The following XIRP2 variants were observed in gnomAD, a reference collection of about 807,000 sequenced individuals.
XIRP2 encodes xin actin binding repeat containing 2, also known as xin actin-binding repeat-containing protein 2.
Under a neutral mutation model 277.0 loss-of-function variants are expected in XIRP2, and 236 were observed. The observed-to-expected ratio is 0.85, with a 90% CI of 0.77 to 0.95. The LOEUF (loss-of-function observed/expected upper bound fraction) is 0.95, where lower values mean the gene tolerates loss of function less well. Ranked by LOEUF, XIRP2 falls within the 40% of genes least tolerant of loss-of-function variation. XIRP2 has a pLI of 0.00. For missense variants in XIRP2, 4,640 were observed against 4,157.5 expected, an observed-to-expected ratio of 1.12 and a Z score of -3.19; for synonymous variants, 1,490 against 1,416.5, an observed-to-expected ratio of 1.05 and a Z score of -1.17.
intron 6 of XIRP2, 40 bp from the exon 7 acceptor site, chr2:167,240,624 T>C: frequency 1.9e-6 from 3 of 1,571,642 alleles, no homozygotes; most frequent in African/African-American, 2.7e-5. Context: ...ATAATTGACT[T>C]CTTAAAAACA....
Position 167,068,762 on chromosome 2 carries a change from C to T in XIRP2, c.409-67147C>T, listed in dbSNP as rs567521499. On this transcript the variant is annotated intron_variant, in intron 2 of 10. Coordinates refer to ENST00000409195, the MANE Select transcript of XIRP2 (RefSeq NM_152381.6). Reference sequence around the variant, plus strand: ...CTTGTCCAACCCATGGCCCAGGGGTCGCATGCAGCCCAGGACAGCTTTGAA... The same window carrying T: ...CTTGTCCAACCCATGGCCCAGGGGTTGCATGCAGCCCAGGACAGCTTTGAA... Among the ~76,000 whole-genome samples, 5 of 152,224 alleles carry T rather than the reference C, an allele frequency of 3.3e-5. No homozygotes were observed. The South Asian group carries it at 6.2e-4, about 19-fold the overall frequency.
At position 167,248,522 on chromosome 2, in the gene XIRP2, C is replaced by T. The variant is rs769857057; in HGVS notation, c.7130C>T (p.Ala2377Val). Reference protein sequence around the residue: ...PPPPTPSQKPAHLLSSSAPEK... With the variant: ...PPPPTPSQKPVHLLSSSAPEK... Reference sequence around the variant, plus strand: ...CCTCCAACTCCATCTCAAAAGCCAGCACATCTCCTTTCCTCCTCTGCTCCG... The same window carrying T: ...CCTCCAACTCCATCTCAAAAGCCAGTACATCTCCTTTCCTCCTCTGCTCCG... Residue 2377 changes from alanine (A) to valine (V), a missense_variant, in exon 9 of 11, where the codon GCA becomes GTA. Coordinates refer to ENST00000409195, the MANE Select transcript of XIRP2 (RefSeq NM_152381.6). 3 of 1,613,710 alleles carry T rather than the reference C, an allele frequency of 1.9e-6. No homozygotes were observed. The highest frequency in any genetic ancestry group is 2.5e-6 in the Non-Finnish European group (3 of 1,179,832).
At chr2:167,115,738 T>G (rs894431754) in intron 2 of XIRP2, among the ~76,000 whole-genome samples, 2 of 152,202 alleles carry the variant, frequency 1.3e-5, no homozygotes, top group African/African-American at 4.8e-5. Flanking sequence ...CCTTGCCAGG[T>G]TGGCCCTAAT....
chr2:167,201,194 GAAAGAA>G (rs1559018074), intron 3 of XIRP2, among the ~76,000 whole-genome samples: 310 of 15,596 alleles, frequency 0.02, 4 homozygotes, highest in East Asian at 0.034. Flanking sequence ...GAGAGAGAAA[GAAAGAA>G]AGAAAGAAAG....
At chr2:167,197,306 G>A (rs1430552462) in intron 3 of XIRP2, among the ~76,000 whole-genome samples, 2 of 152,152 alleles carry the variant, frequency 1.3e-5, no homozygotes, top group African/African-American at 2.4e-5. Flanking sequence ...AAAAAAAGTA[G>A]GAGAGAGAAA....
At chr2:166,952,222 C>T (rs1025377878) in intron 2 of XIRP2, among the ~76,000 whole-genome samples, 5 of 151,982 alleles carry the variant, frequency 3.3e-5, no homozygotes, top group African/African-American at 1.2e-4. Context: ...CAGGGTCACT[C>T]ACCCAGCTAC....
chr2:167,257,253 C>G (rs1304905831), intron 10 of XIRP2, among the ~76,000 whole-genome samples: 1 of 151,860 alleles, frequency 6.6e-6, no homozygotes, highest in Non-Finnish European at 1.5e-5. Context: ...AGGGGGCTAT[C>G]TTGTCACTTC....
chr2:166,949,808 T>A (rs1039247687), intron 2 of XIRP2, among the ~76,000 whole-genome samples: 7 of 152,102 alleles, frequency 4.6e-5, no homozygotes, highest in Non-Finnish European at 7.4e-5. Context: ...GAACTTAATA[T>A]AAAATGTGTC....
chr2:167,085,589 T>A (rs999083044), intron 2 of XIRP2, among the ~76,000 whole-genome samples: 9 of 152,272 alleles, frequency 5.9e-5, no homozygotes, highest in Non-Finnish European at 8.8e-5. Flanking sequence ...AGTCTCTTTG[T>A]AGGTCACTCA....
intron 2 of XIRP2, among the ~76,000 whole-genome samples, chr2:167,115,555 G>T (rs1447505743): frequency 6.6e-6 from 1 of 151,946 alleles, no homozygotes; most frequent in Non-Finnish European, 1.5e-5. Context: ...TGCTGTTGGG[G>T]GTTTGATTAC....
intron 3 of XIRP2, among the ~76,000 whole-genome samples, chr2:167,155,470 A>G (rs1171401299): frequency 6.6e-6 from 1 of 152,032 alleles, no homozygotes; most frequent in African/African-American, 2.4e-5. Context: ...GTAATCCAGC[A>G]TATAAACAGA....
intron 2 of XIRP2, among the ~76,000 whole-genome samples, chr2:167,030,166 G>T (rs1688301708): frequency 1.3e-5 from 2 of 151,880 alleles, no homozygotes; most frequent in Admixed American, 1.3e-4. Flanking sequence ...AAAACAAGCT[G>T]CTGGATTCAT....
chr2:167,132,067 T>A (rs1040954904), intron 2 of XIRP2, among the ~76,000 whole-genome samples: 18 of 152,114 alleles, frequency 1.2e-4, no homozygotes, highest in Non-Finnish European at 1.0e-4. Context: ...TGACCAAGCT[T>A]TGAAAGTTGT....
intron 3 of XIRP2, among the ~76,000 whole-genome samples, chr2:167,162,778 T>C (rs978089396): frequency 1.3e-5 from 2 of 152,232 alleles, no homozygotes; most frequent in Non-Finnish European, 2.9e-5. Context: ...CATCCAACCA[T>C]GTTCATCACC....
chr2:166,968,660 A>G (rs996255870), intron 2 of XIRP2, among the ~76,000 whole-genome samples: 3 of 151,960 alleles, frequency 2.0e-5, no homozygotes, highest in Non-Finnish European at 4.4e-5. Context: ...TTTTGGCACA[A>G]TGTTCTTTTA....
chr2:167,110,809 A>G (rs1158517104), intron 2 of XIRP2, among the ~76,000 whole-genome samples: 1 of 152,162 alleles, frequency 6.6e-6, no homozygotes, highest in East Asian at 1.9e-4. Context: ...ACAAGCATGA[A>G]ATATTTTTCC....
At chr2:166,901,465 T>G (rs577817597) in intron 1 of XIRP2, among the ~76,000 whole-genome samples, 17 of 152,074 alleles carry the variant, frequency 1.1e-4, no homozygotes, top group Non-Finnish European at 2.1e-4. Flanking sequence ...CCAAATCAGT[T>G]TCAATTATTA....
chr2:167,234,493 C>T (rs1405361846), intron 5 of XIRP2, among the ~76,000 whole-genome samples: 3 of 151,072 alleles, frequency 2.0e-5, no homozygotes, highest in African/African-American at 4.8e-5. Flanking sequence ...GTTGAGATAA[C>T]CAATGTTCAA....
chr2:167,017,742 A>T (rs1687870033), intron 2 of XIRP2, among the ~76,000 whole-genome samples: 1 of 151,960 alleles, frequency 6.6e-6, no homozygotes, highest in South Asian at 2.1e-4. Flanking sequence ...CACGTGCCAG[A>T]TGCTAATGAT....
Sources: gnomAD v4.1 joint callset for allele counts (sites outside exome capture counted in the v4.1 genomes callset) on GRCh38, gnomAD v4.1.1 for gene constraint, MANE v1.5 for transcripts, NCBI Gene and HGNC (gene_info 2026-07-23, HGNC 2026-07-21) for gene names.